RAD51B: variants seen among roughly 807,000 people sequenced by gnomAD.
The protein encoded by RAD51B is DNA repair protein RAD51 homolog 2.
A neutral mutation model predicts 42.2 loss-of-function variants in RAD51B; 38 were observed. The observed-to-expected ratio is 0.90, with a 90% CI of 0.70 to 1.18. RAD51B has a LOEUF of 1.18. RAD51B is among the 50% of genes most tolerant of loss of function. The pLI is 0.00. For synonymous variants in RAD51B, 154 were observed against 145.2 expected (o/e 1.06, Z -0.43); for missense variants, 373 against 400.7 (o/e 0.93, Z 0.59).
At position 68,324,818 on chromosome 14, in the gene RAD51B, T is replaced by C. The variant is rs117525372; in HGVS notation, c.853+32838T>C. Among the ~76,000 whole-genome samples the C allele has an allele frequency of 3.9e-5, 6 of 152,350 alleles. No homozygotes were observed. The East Asian group carries it at 1.2e-3, about 29-fold the overall frequency. ...TTTGACTTATCTACTCATGCTTTAC[T>C]TCGGTAGTGCTGATGCTCACCCCCA... On this transcript the variant is annotated intron_variant, in intron 8 of 10. Transcript: ENST00000471583.
At position 68,461,575 on chromosome 14, in the gene RAD51B, G is replaced by T. The variant is rs78121739; in HGVS notation, c.958-6597G>T. On this transcript the variant is annotated intron_variant, in intron 9 of 10. Coordinates refer to ENST00000471583, the MANE Select transcript of RAD51B (RefSeq NM_133510.4). ...AGATTAACGTCCATTGGTTGTTGTT[G>T]TTCTCATCAGCATTATTACTGTAGG... 5.6e-3 allele frequency among the ~76,000 whole-genome samples: 859 copies of T among 152,196 alleles called. 12 individuals are homozygous for T. The highest frequency in any genetic ancestry group is 0.019 in the African/African-American group (802 of 41,512).
intron 5 of RAD51B, among the ~76,000 whole-genome samples, chr14:67,882,907 G>A (rs1735430388): frequency 6.6e-6 from 1 of 152,128 alleles, no homozygotes; most frequent in South Asian, 2.1e-4. Flanking sequence ...ACCACACCTG[G>A]CTAATTTTTG....
At chr14:68,667,655 C>A (rs768826744) in intron 11 of RAD51B, among the ~76,000 whole-genome samples, 11 of 152,142 alleles carry the variant, frequency 7.2e-5, no homozygotes, top group Non-Finnish European at 1.0e-4. Context: ...AATAATGAAC[C>A]CTTGACAAAG....
At chr14:67,851,234 C>T (rs948859126) in intron 4 of RAD51B, among the ~76,000 whole-genome samples, 5 of 152,040 alleles carry the variant, frequency 3.3e-5, no homozygotes, top group South Asian at 2.1e-4. Context: ...CCCTAGATGG[C>T]TGGCTGGACT....
chr14:68,622,858 A>C (rs1266536022), intron 10 of RAD51B, among the ~76,000 whole-genome samples: 2 of 152,038 alleles, frequency 1.3e-5, no homozygotes, highest in East Asian at 3.9e-4. Context: ...GATACCCCTG[A>C]GATCCCGCAG....
At chr14:67,871,475 T>C (rs1396802442) in intron 5 of RAD51B, among the ~76,000 whole-genome samples, 4 of 152,090 alleles carry the variant, frequency 2.6e-5, no homozygotes, top group Non-Finnish European at 4.4e-5. Flanking sequence ...AGTCCAGGAC[T>C]AAATGGATTC....
Position 68,549,409 on chromosome 14 carries a change from A to ATTTTTTTTTTT in RAD51B, c.1037-45062_1037-45052dup, listed in dbSNP as rs71129897. The stretch of plus-strand genomic sequence containing the variant: ...AGTGCTTCATCCATGCCCTGGACAC[A>ATTTTTTTTTTT]TTTTTTTTTTTTTTTTTTTTTTTTG... On this transcript the variant is annotated intron_variant, in intron 10 of 10. Coordinates refer to the RAD51B transcript ENST00000487270. Among the ~76,000 whole-genome samples, 92 of 63,572 alleles carry ATTTTTTTTTTT rather than the reference A, an allele frequency of 1.4e-3. 5 individuals are homozygous for ATTTTTTTTTTT. The highest frequency in any genetic ancestry group is 3.5e-3 in the African/African-American group (72 of 20,796). The allele number at this position is 63,572 out of a possible 152,430, so 41.7% of individuals were successfully genotyped here.
At chr14:67,996,294 C>T (rs2075381913) in intron 7 of RAD51B, among the ~76,000 whole-genome samples, 1 of 151,520 alleles carries the variant, frequency 6.6e-6, no homozygotes, top group Non-Finnish European at 1.5e-5. Context: ...TACGTGGGAG[C>T]CCGAGGCAGG....
At chr14:68,019,617 G>A (rs564855090) in intron 7 of RAD51B, among the ~76,000 whole-genome samples, 22 of 152,258 alleles carry the variant, frequency 1.4e-4, no homozygotes, top group Admixed American at 3.9e-4. Flanking sequence ...GTGAGTTCCA[G>A]AGGGTGGACT....
intron 4 of RAD51B, among the ~76,000 whole-genome samples, chr14:67,840,166 A>C (rs2041377400): frequency 6.6e-6 from 1 of 152,128 alleles, no homozygotes; most frequent in Non-Finnish European, 1.5e-5. Context: ...GTATATGTAC[A>C]GGTTTGTTAC....
At chr14:68,090,598 C>T (rs1444564028) in intron 7 of RAD51B, among the ~76,000 whole-genome samples, 1 of 151,854 alleles carries the variant, frequency 6.6e-6, no homozygotes, top group African/African-American at 2.4e-5. Context: ...GGTTTGCAAA[C>T]ATACCCTAAT....
At position 68,610,845 on chromosome 14, in the gene RAD51B, G is replaced by A. The variant is rs1891649017; in HGVS notation, c.1037-161G>A. 1.3e-4 allele frequency among the ~76,000 whole-genome samples: 3 copies of A among 22,708 alleles called. 1 individual carries two copies. In the South Asian group the frequency reaches 1.9e-3, roughly 15 times the overall value. 14.9% of individuals were successfully genotyped at this position (22,708 alleles called of 152,430 possible). ...ATTATAACCACATCTGAATGTATAT[G>A]TGTGTGTGTGTGTGTGTGTGTGTGT... On this transcript the variant is annotated intron_variant, in intron 10 of 10. Transcript: ENST00000487861.
chr14:68,096,420 G>A (rs1313422346), intron 7 of RAD51B, among the ~76,000 whole-genome samples: 10 of 152,168 alleles, frequency 6.6e-5, no homozygotes, highest in Admixed American at 1.3e-4. Flanking sequence ...AGGCCAAGTC[G>A]TACCGTCCAA....
At chr14:68,349,983 G>A (rs1269361431) in intron 8 of RAD51B, among the ~76,000 whole-genome samples, 1 of 152,174 alleles carries the variant, frequency 6.6e-6, no homozygotes, top group African/African-American at 2.4e-5. Flanking sequence ...AAGCATACAC[G>A]CTATCGCACT....
At chr14:68,110,206 T>G (rs552969344) in intron 7 of RAD51B, among the ~76,000 whole-genome samples, 60 of 152,046 alleles carry the variant, frequency 3.9e-4, no homozygotes, top group African/African-American at 1.4e-3. Context: ...AGTAGGCTTG[T>G]TTTTTGAGGC....
intron 7 of RAD51B, among the ~76,000 whole-genome samples, chr14:68,062,522 G>A (rs896251967): frequency 9.9e-5 from 15 of 152,024 alleles, no homozygotes; most frequent in African/African-American, 2.2e-4. Context: ...GGCTAGGTGC[G>A]GTGGCTCATG....
Position 68,151,297 on chromosome 14 carries a change from C to CAT in RAD51B, c.757-140577_757-140576dup, listed in dbSNP as rs572752978. 3.5e-3 allele frequency among the ~76,000 whole-genome samples: 531 copies of CAT among 151,666 alleles called. 5 individuals carry two copies. Among genetic ancestry groups the CAT allele is most frequent in the African/African-American group, 0.012 (501 of 41,456 alleles). ...GCTTATCCTTATCTTTGTTCCTCTGCATATATATATAATTTTTTTAATCTT... is the reference window on the plus strand; with the variant it reads ...GCTTATCCTTATCTTTGTTCCTCTGCATATATATATATAATTTTTTTAATCTT... On this transcript the variant is annotated intron_variant, in intron 7 of 10. Coordinates refer to ENST00000471583, the MANE Select transcript of RAD51B (RefSeq NM_133510.4).
chr14:68,404,028 G>T (rs1382943080), intron 8 of RAD51B, among the ~76,000 whole-genome samples: 1 of 152,162 alleles, frequency 6.6e-6, no homozygotes, highest in Non-Finnish European at 1.5e-5. Flanking sequence ...AGAGAGTGGA[G>T]AATGAATGTT....
chr14:67,955,639 T>C (rs1019394352), intron 7 of RAD51B, among the ~76,000 whole-genome samples: 6 of 152,246 alleles, frequency 3.9e-5, no homozygotes, highest in African/African-American at 1.4e-4. Context: ...AAAAATGAAA[T>C]ACTACATATA....
Sources: gnomAD v4.1 joint callset for allele counts (sites outside exome capture counted in the v4.1 genomes callset) on GRCh38, gnomAD v4.1.1 for gene constraint, MANE v1.5 for transcripts, NCBI Gene and HGNC (gene_info 2026-07-23, HGNC 2026-07-21) for gene names.